The following OPN5 variants were observed in gnomAD, a reference collection of about 807,000 sequenced individuals.
OPN5 encodes opsin-5.
In OPN5, 18 loss-of-function variants were observed where a neutral mutation model predicts 41.7. The ratio of observed to expected loss-of-function variants is 0.43; its 90% confidence interval spans 0.30 to 0.64. The LOEUF is 0.64. Among genes scored for constraint, OPN5 ranks in the 30% least tolerant of loss-of-function variants. OPN5 has a pLI of 0.13. For missense variants in OPN5, 318 were observed against 434.5 expected, an observed-to-expected ratio of 0.73 and a Z score of 2.38; for synonymous variants, 178 against 164.3, an observed-to-expected ratio of 1.08 and a Z score of -0.64.
chr6:47,812,870 T>C (rs375135032), intron 6 of OPN5, among the ~76,000 whole-genome samples: 1 of 152,142 alleles, frequency 6.6e-6, no homozygotes, highest in East Asian at 1.9e-4. Context: ...ACACCATTGA[T>C]AATCTCTCCA....
intron 4 of OPN5, among the ~76,000 whole-genome samples, chr6:47,807,246 G>A (rs1252538053): frequency 6.6e-6 from 1 of 152,172 alleles, no homozygotes; most frequent in Admixed American, 6.5e-5. Context: ...TTGTACTGTA[G>A]TTATTTGTAT....
At chr6:47,788,805 T>TGG (rs5876033) in intron 2 of OPN5, among the ~76,000 whole-genome samples, 74,170 of 124,726 alleles carry the variant, frequency 0.59, 24,148 homozygotes, top group East Asian at 0.85. Flanking sequence ...TAGGATAACC[T>TGG]GGGGGGGGGC....
chr6:47,797,498 T>C (rs1481248698), intron 4 of OPN5, among the ~76,000 whole-genome samples: 1 of 152,238 alleles, frequency 6.6e-6, no homozygotes, highest in Non-Finnish European at 1.5e-5. Flanking sequence ...AGTTGAATTA[T>C]ATTTAATCAA....
intron 2 of OPN5, among the ~76,000 whole-genome samples, 185 bp from the exon 3 acceptor site, chr6:47,791,617 C>T (rs575648722): frequency 1.3e-5 from 2 of 152,280 alleles, no homozygotes; most frequent in Admixed American, 6.5e-5. Context: ...TGGGTAGCTT[C>T]AAACTGAGTT....
intron 2 of OPN5, among the ~76,000 whole-genome samples, chr6:47,788,399 T>TA (rs1283145477): frequency 1.3e-5 from 2 of 152,310 alleles, no homozygotes; most frequent in East Asian, 3.9e-4. Flanking sequence ...TAGGCTTGAA[T>TA]AAAAATGTCC....
intron 4 of OPN5, among the ~76,000 whole-genome samples, chr6:47,797,552 G>A (rs989760840): frequency 5.9e-5 from 9 of 152,144 alleles, no homozygotes; most frequent in Admixed American, 3.9e-4. Context: ...CTGGGCAAAT[G>A]TACCAATGAT....
At chr6:47,823,267 G>C (rs1762689120) in intron 6 of OPN5, 1 of 152,298 alleles carries the variant, frequency 6.6e-6, no homozygotes, top group Non-Finnish European at 1.5e-5. Context: ...AAAGCTTAAA[G>C]AACAGATTAA....
chr6:47,811,758 T>A, intron 6 of OPN5, 27 bp downstream of exon 6: 1 of 1,498,970 alleles, frequency 6.7e-7, no homozygotes, highest in African/African-American at 1.4e-5. Flanking sequence ...AGCATCACTA[T>A]GGACACTCGT....
intron 2 of OPN5, 67 bp downstream of exon 2, chr6:47,786,701 C>T (rs1773203490): frequency 1.2e-5 from 16 of 1,384,378 alleles, no homozygotes; most frequent in Non-Finnish European, 1.6e-5. Flanking sequence ...TACTCACTGT[C>T]TCAAACGTCA....
At chr6:47,800,899 A>G (rs1441685001) in intron 4 of OPN5, among the ~76,000 whole-genome samples, 1 of 152,246 alleles carries the variant, frequency 6.6e-6, no homozygotes, top group Non-Finnish European at 1.5e-5. Context: ...ATTATGCTAT[A>G]CATGTTGGTA....
intron 4 of OPN5, among the ~76,000 whole-genome samples, chr6:47,805,485 G>A (rs1416378418): frequency 6.6e-6 from 1 of 151,764 alleles, no homozygotes; most frequent in African/African-American, 2.4e-5. Context: ...GAAATTCTTG[G>A]GTAGAATTTT....
chr6:47,813,499 T>C (rs1762327905), intron 6 of OPN5, among the ~76,000 whole-genome samples: 1 of 152,158 alleles, frequency 6.6e-6, no homozygotes, highest in Non-Finnish European at 1.5e-5. Context: ...CTGAGAGTGG[T>C]AGTCTGGCAG....
intron 4 of OPN5, among the ~76,000 whole-genome samples, chr6:47,806,893 C>T (rs561127758): frequency 7.2e-5 from 11 of 152,180 alleles, no homozygotes; most frequent in Non-Finnish European, 1.6e-4. Context: ...CGCGATGGCT[C>T]ATGCCTGTAA....
At chr6:47,817,019 A>G (rs916118475) in intron 6 of OPN5, among the ~76,000 whole-genome samples, 2 of 152,146 alleles carry the variant, frequency 1.3e-5, no homozygotes, top group African/African-American at 4.8e-5. Context: ...TGAGAAACAC[A>G]CTAAGATTCT....
chr6:47,821,704 G>A (rs971613096), intron 6 of OPN5, among the ~76,000 whole-genome samples: 1 of 152,148 alleles, frequency 6.6e-6, no homozygotes, highest in African/African-American at 2.4e-5. Context: ...TGCAGCATTT[G>A]AAGTACCTAT....
At chr6:47,798,025 A>G (rs909663464) in intron 4 of OPN5, among the ~76,000 whole-genome samples, 2 of 152,112 alleles carry the variant, frequency 1.3e-5, no homozygotes, top group African/African-American at 4.8e-5. Context: ...GACTGGGTAG[A>G]TCAAATAGGC....
intron 6 of OPN5, among the ~76,000 whole-genome samples, chr6:47,812,680 G>T (rs1173039165): frequency 6.6e-6 from 1 of 152,104 alleles, no homozygotes; most frequent in Admixed American, 6.6e-5. Flanking sequence ...AATCTGATAA[G>T]CAGGGCCATC....
chr6:47,791,796 C>A lies in OPN5; in HGVS notation c.251-6C>A. ...ACGTCTGTTGACAAGTCACTTGGTG[C>A]TCTAGTTGTAGGCAAGCCGTTCACC... On this transcript the variant is annotated splice_polypyrimidine_tract_variant and splice_region_variant and intron_variant, in intron 2 of 6. Coordinates refer to ENST00000371211, the Ensembl canonical transcript of OPN5. The A allele has an allele frequency of 3.7e-6, 6 of 1,613,476 alleles. No homozygotes were observed. Among genetic ancestry groups the A allele is most frequent in the Non-Finnish European group, 5.1e-6 (6 of 1,179,556 alleles).
At chr6:47,805,430 G>A (rs1456468738) in intron 4 of OPN5, among the ~76,000 whole-genome samples, 2 of 152,012 alleles carry the variant, frequency 1.3e-5, no homozygotes, top group African/African-American at 2.4e-5. Context: ...TTAATTGTGT[G>A]TGTGTGTGTG....
Sources: allele counts gnomAD v4.1 joint callset (sites outside exome capture counted in the v4.1 genomes callset), GRCh38; gene constraint gnomAD v4.1.1; transcripts MANE v1.5; gene names NCBI Gene and HGNC (gene_info 2026-07-23, HGNC 2026-07-21).